The following LINGO2 variants were observed in gnomAD, a reference collection of about 807,000 sequenced individuals.
LINGO2 encodes the protein leucine rich repeat and Ig domain containing 2, also known as leucine-rich repeat and immunoglobulin-like domain-containing nogo receptor-interacting protein 2.
In LINGO2, 14 loss-of-function variants were observed where a neutral mutation model predicts 30.6. The observed-to-expected ratio is 0.46, with a 90% confidence interval of 0.30 to 0.72. The LOEUF is 0.72. Ranked by LOEUF, LINGO2 falls within the 30% of genes least tolerant of loss-of-function variation. LINGO2 has a pLI of 0.07. For missense variants in LINGO2, 729 were observed against 751.7 expected, an observed-to-expected ratio of 0.97 and a Z score of 0.35; for synonymous variants, 317 against 288.5, an observed-to-expected ratio of 1.10 and a Z score of -1.00.
chr9:29,118,353 C>T, the LINGO2 span, among the ~76,000 whole-genome samples: 1 of 152,084 alleles, frequency 6.6e-6, no homozygotes, highest in African/African-American at 2.4e-5. Context: ...TAAAATGGCA[C>T]CTGTAAAAAC....
At chr9:29,075,322 C>T in the LINGO2 span, among the ~76,000 whole-genome samples, 1 of 152,216 alleles carries the variant, frequency 6.6e-6, no homozygotes. Context: ...GTTTAAATGC[C>T]AGAACATTCA....
chr9:29,010,676 A>C, the LINGO2 span, among the ~76,000 whole-genome samples: 3 of 152,118 alleles, frequency 2.0e-5, no homozygotes, highest in Non-Finnish European at 2.9e-5. Context: ...ACTACTACTC[A>C]ATATAGAATT....
At chr9:29,011,809 ATGAAGTAGTTCTTCATAT>A in the LINGO2 span, among the ~76,000 whole-genome samples, 1 of 152,296 alleles carries the variant, frequency 6.6e-6, no homozygotes, top group African/African-American at 2.4e-5. Context: ...ATTATACCTT[ATGAAGTAGTTCTTCATAT>A]AAAAACATTA....
chr9:28,350,133 A>G (rs1347767489), intron 3 of LINGO2, among the ~76,000 whole-genome samples: 6 of 149,838 alleles, frequency 4.0e-5, no homozygotes, highest in African/African-American at 1.2e-4. Context: ...TGACAGGATC[A>G]AATTCACACA....
chr9:29,198,395 G>C, the LINGO2 span, among the ~76,000 whole-genome samples: 1 of 152,102 alleles, frequency 6.6e-6, no homozygotes, highest in Non-Finnish European at 1.5e-5. Context: ...TTTTTGGCTG[G>C]GAGCAGGGGT....
At chr9:28,536,517 G>A (rs902055376) in intron 1 of LINGO2, among the ~76,000 whole-genome samples, 5 of 152,032 alleles carry the variant, frequency 3.3e-5, no homozygotes, top group South Asian at 4.1e-4. Flanking sequence ...ATAGCCAGTC[G>A]CTTGAGAGAA....
chr9:28,560,921 T>C (rs1823019575), intron 1 of LINGO2, among the ~76,000 whole-genome samples: 1 of 152,054 alleles, frequency 6.6e-6, no homozygotes, highest in Non-Finnish European at 1.5e-5. Context: ...GTGATCCACC[T>C]GCTATGGCTT....
the LINGO2 span, among the ~76,000 whole-genome samples, chr9:28,797,367 G>GAGAGAGAGAGAGAGAGAC: frequency 8.0e-6 from 1 of 124,816 alleles, no homozygotes; most frequent in Non-Finnish European, 1.7e-5. Context: ...TATAGAGAGA[G>GAGAGAGAGAGAGAGAGAC]AGAGAGAGAG....
chr9:28,813,961 G>T, the LINGO2 span, among the ~76,000 whole-genome samples: 1 of 152,160 alleles, frequency 6.6e-6, no homozygotes, highest in Non-Finnish European at 1.5e-5. Flanking sequence ...GATATTAAAT[G>T]AAGATGTAAA....
At chr9:28,868,252 A>G in the LINGO2 span, among the ~76,000 whole-genome samples, 1 of 152,030 alleles carries the variant, frequency 6.6e-6, no homozygotes, top group Admixed American at 6.6e-5. Flanking sequence ...ATGACATTTG[A>G]TTTTATACTC....
At chr9:28,122,199 G>A (rs1012953483) in intron 4 of LINGO2, among the ~76,000 whole-genome samples, 3 of 152,128 alleles carry the variant, frequency 2.0e-5, no homozygotes, top group African/African-American at 7.2e-5. Flanking sequence ...TCAGTGTCCA[G>A]TTTGGGAATA....
the LINGO2 span, among the ~76,000 whole-genome samples, chr9:28,708,622 G>A: frequency 2.0e-5 from 3 of 152,062 alleles, no homozygotes; most frequent in African/African-American, 7.2e-5. Flanking sequence ...AACAATGAGG[G>A]AACTCAGCCG....
chr9:28,469,022 C>A (rs923326323), intron 2 of LINGO2, among the ~76,000 whole-genome samples: 1 of 151,776 alleles, frequency 6.6e-6, no homozygotes, highest in African/African-American at 2.4e-5. Context: ...CTTAAATATG[C>A]TCTAAGAGCA....
At chr9:28,482,986 A>G (rs1047925169) in intron 1 of LINGO2, among the ~76,000 whole-genome samples, 1 of 152,120 alleles carries the variant, frequency 6.6e-6, no homozygotes, top group Non-Finnish European at 1.5e-5. Context: ...CTGTTCCAAG[A>G]TAACTTTATT....
chr9:28,415,622 G>C (rs1291646687), intron 2 of LINGO2, among the ~76,000 whole-genome samples: 1 of 152,086 alleles, frequency 6.6e-6, no homozygotes, highest in African/African-American at 2.4e-5. Context: ...TATCCATGAG[G>C]ACCCAGTTTA....
chr9:28,818,582 C>G, the LINGO2 span, among the ~76,000 whole-genome samples: 1 of 152,138 alleles, frequency 6.6e-6, no homozygotes, highest in South Asian at 2.1e-4. Context: ...GACAAGGTTT[C>G]ACCATCTTGG....
At chr9:29,039,362 A>C in the LINGO2 span, among the ~76,000 whole-genome samples, 1 of 152,126 alleles carries the variant, frequency 6.6e-6, no homozygotes, top group East Asian at 1.9e-4. Flanking sequence ...AAGAGAAAAA[A>C]ACAAGAATGA....
intron 1 of LINGO2, among the ~76,000 whole-genome samples, chr9:28,653,529 A>G (rs1480802590): frequency 6.6e-6 from 1 of 152,138 alleles, no homozygotes; most frequent in Non-Finnish European, 1.5e-5. Context: ...GGATACAAAA[A>G]TTTAATCAAC....
chr9:28,931,134 G>C, the LINGO2 span, among the ~76,000 whole-genome samples: 2 of 152,098 alleles, frequency 1.3e-5, no homozygotes, highest in South Asian at 4.2e-4. Context: ...AATGTCCCTA[G>C]CCATATACTC....
Sources: gnomAD v4.1 joint callset for allele counts (sites outside exome capture counted in the v4.1 genomes callset) on GRCh38, gnomAD v4.1.1 for gene constraint, MANE v1.5 for transcripts, NCBI Gene and HGNC (gene_info 2026-07-23, HGNC 2026-07-21) for gene names.